FAM228B: variants seen among roughly 807,000 people sequenced by gnomAD.
FAM228B encodes protein FAM228B.
Under a neutral mutation model 42.6 loss-of-function variants are expected in FAM228B, and 38 were observed. The ratio of observed to expected loss-of-function variants is 0.89; its 90% CI spans 0.69 to 1.17. The LOEUF (loss-of-function observed/expected upper bound fraction) is 1.17. FAM228B is among the 50% of genes most tolerant of loss of function. The pLI is 0.00. For missense variants in FAM228B, 344 were observed against 367.3 expected (o/e 0.94, Z 0.52); for synonymous variants, 109 against 122.3 (o/e 0.89, Z 0.72).
At chr2:24,097,755 C>T (rs1353003160) in intron 3 of FAM228B, among the ~76,000 whole-genome samples, 1 of 152,164 alleles carries the variant, frequency 6.6e-6, no homozygotes, top group African/African-American at 2.4e-5. Flanking sequence ...ATATCCAGGA[C>T]TTGAACTCAG....
Position 24,146,832 on chromosome 2 carries a change from A to G in FAM228B, c.526A>G (p.Thr176Ala). 1 of 1,545,126 alleles carries G rather than the reference A, an allele frequency of 6.5e-7. No individual in the cohort carries two copies. Residue 176 changes from threonine to alanine, a missense_variant, in exon 6 of 11, where the codon ACT becomes GCT. Coordinates refer to ENST00000615575, the MANE Select transcript of FAM228B (RefSeq NM_001145710.2). ...NEKRTLLQCE[T>A]GKIYSIKEFK... ...AAAAAGAACTCTTCTTCAGTGTGAGACTGGTACTTAGTTCCTAATTGTTAT... is the reference window on the plus strand; with the variant it reads ...AAAAAGAACTCTTCTTCAGTGTGAGGCTGGTACTTAGTTCCTAATTGTTAT...
chr2:24,129,299 A>G (rs1573762017), intron 2 of FAM228B, among the ~76,000 whole-genome samples: 1 of 141,558 alleles, frequency 7.1e-6, no homozygotes, highest in Non-Finnish European at 1.5e-5. Context: ...TGTTTCATCT[A>G]TTTTATCTTT....
At chr2:24,085,421 G>A (rs1665212417) in intron 2 of FAM228B, among the ~76,000 whole-genome samples, 2 of 152,048 alleles carry the variant, frequency 1.3e-5, no homozygotes, top group East Asian at 3.9e-4. Flanking sequence ...GTAGGAGATC[G>A]TCCTGTGCAT....
intron 2 of FAM228B, among the ~76,000 whole-genome samples, chr2:24,090,420 C>T (rs1665364511): frequency 6.6e-6 from 1 of 151,818 alleles, no homozygotes; most frequent in Non-Finnish European, 1.5e-5. Context: ...CCCAACTCTA[C>T]TAAAAATACA....
At chr2:24,086,707 G>A (rs1665265427) in intron 2 of FAM228B, among the ~76,000 whole-genome samples, 1 of 152,136 alleles carries the variant, frequency 6.6e-6, no homozygotes, top group South Asian at 2.1e-4. Flanking sequence ...GAGTAGACTA[G>A]CGTCTATTGA....
intron 2 of FAM228B, among the ~76,000 whole-genome samples, chr2:24,125,416 T>A (rs1019757316): frequency 6.6e-6 from 1 of 152,162 alleles, no homozygotes; most frequent in East Asian, 1.9e-4. Context: ...AGTTTTGACA[T>A]GTATACACAC....
intron 10 of FAM228B, chr2:24,167,909 TC>T: frequency 2.2e-6 from 1 of 448,100 alleles, no homozygotes; most frequent in South Asian, 3.1e-5. Flanking sequence ...ATGGGGCACT[TC>T]CAAGTGATCT....
intron 2 of FAM228B, among the ~76,000 whole-genome samples, chr2:24,092,679 T>C (rs931052222): frequency 6.6e-6 from 1 of 152,168 alleles, no homozygotes; most frequent in Admixed American, 6.5e-5. Flanking sequence ...ACACCAATTA[T>C]ACAGATGTAT....
At chr2:24,135,081 A>G in intron 2 of FAM228B, 38 bp from the exon 3 acceptor site, 1 of 1,306,434 alleles carries the variant, frequency 7.7e-7, no homozygotes, top group Middle Eastern at 1.8e-4. Context: ...AATAGTTTTT[A>G]AAGATTTTCT....
In FAM228B at chr2:24,124,751, T is replaced by A. The variant is rs532545919; in HGVS notation, c.99+291T>A. Among the ~76,000 whole-genome samples the A allele has an allele frequency of 3.3e-5, 5 of 152,318 alleles. No homozygotes were observed. The South Asian group carries it at 1.0e-3, about 32-fold the overall frequency. On this transcript the variant is annotated intron_variant, in intron 2 of 10. Transcript: ENST00000615575. Reference sequence around the variant, plus strand: ...CCAAATTTTGATATGATGTATTTATTTATTTATTTATATTTGAGACAGGGT... The same window carrying A: ...CCAAATTTTGATATGATGTATTTATATATTTATTTATATTTGAGACAGGGT...
chr2:24,124,188 T>C (rs1044309634), intron 1 of FAM228B, 142 bp from the exon 2 acceptor site: 13 of 542,824 alleles, frequency 2.4e-5, no homozygotes, highest in African/African-American at 2.3e-4. Context: ...CTGGAGTCTG[T>C]AGTGAAGGCC....
chr2:24,114,282 G>A (rs1185462156), intron 3 of FAM228B, among the ~76,000 whole-genome samples: 6 of 152,116 alleles, frequency 3.9e-5, no homozygotes, highest in East Asian at 3.9e-4. Flanking sequence ...AAGGGCTCCC[G>A]TTTCCCAATC....
rs183402176 is a variant in FAM228B, at chr2:24,148,236, A to T, written c.686+1150A>T. On this transcript the variant is annotated intron_variant, in intron 7 of 10. Transcript: ENST00000615575. Reference sequence around the variant, plus strand: ...CTCCTTCCTCAGTTTTCAGCTATCCATGCAAGCTGGCATCATAGAAGTGGA... The same window carrying T: ...CTCCTTCCTCAGTTTTCAGCTATCCTTGCAAGCTGGCATCATAGAAGTGGA... 1.5e-3 allele frequency among the ~76,000 whole-genome samples: 221 copies of T among 152,242 alleles called. 1 individual carries two copies. Among genetic ancestry groups the T allele is most frequent in the African/African-American group, 5.1e-3 (211 of 41,544 alleles).
chr2:24,129,678 C>G (rs994914729), intron 2 of FAM228B, among the ~76,000 whole-genome samples: 7 of 151,944 alleles, frequency 4.6e-5, no homozygotes, highest in African/African-American at 1.7e-4. Context: ...GGTTTTTTAT[C>G]ATTTCTATTC....
intron 9 of FAM228B, chr2:24,165,294 G>A (rs763164081): frequency 4.4e-4 from 205 of 461,092 alleles, no homozygotes; most frequent in Non-Finnish European, 8.5e-4. Context: ...CAAGGCCAAG[G>A]AGCAACCCTG....
chr2:24,108,960 G>A (rs989692999), intron 3 of FAM228B, among the ~76,000 whole-genome samples: 5 of 150,292 alleles, frequency 3.3e-5, no homozygotes, highest in Non-Finnish European at 5.9e-5. Flanking sequence ...AAAAGAGCTC[G>A]AATAGCTAAG....
At chr2:24,123,921 C>A (rs1330790187) in intron 1 of FAM228B, among the ~76,000 whole-genome samples, 2 of 152,162 alleles carry the variant, frequency 1.3e-5, no homozygotes, top group African/African-American at 4.8e-5. Context: ...CGCAGTATGA[C>A]CGAAAGCCCC....
rs532833944 is a variant in FAM228B at position 24,108,940 on chromosome 2, A to G, written c.-121+13711A>G. On this transcript the variant is annotated intron_variant, in intron 3 of 10. Coordinates refer to the FAM228B transcript ENST00000613899. ...AAGAAAAAGCTATTTTGAAATTCATATGGAACCAAAAAAGAGCTCGAATAG... is the reference window on the plus strand; with the variant it reads ...AAGAAAAAGCTATTTTGAAATTCATGTGGAACCAAAAAAGAGCTCGAATAG... Among the ~76,000 whole-genome samples, 6 of 151,908 alleles carry G rather than the reference A, an allele frequency of 3.9e-5. No individual in the cohort carries two copies. The East Asian group carries it at 7.7e-4, about 20-fold the overall frequency.
intron 3 of FAM228B, among the ~76,000 whole-genome samples, chr2:24,115,969 G>A (rs1665904872): frequency 6.6e-6 from 1 of 150,754 alleles, no homozygotes; most frequent in Non-Finnish European, 1.5e-5. Context: ...CAGGGTGAGA[G>A]AGGGCTCAGG....
Sources: gnomAD v4.1 joint callset for allele counts (sites outside exome capture counted in the v4.1 genomes callset) on GRCh38, gnomAD v4.1.1 for gene constraint, MANE v1.5 for transcripts, NCBI Gene and HGNC (gene_info 2026-07-23, HGNC 2026-07-21) for gene names.